RABGEF1: variants seen among roughly 807,000 people sequenced by gnomAD.
The protein encoded by RABGEF1 is RAB guanine nucleotide exchange factor 1.
Under a neutral mutation model 57.3 loss-of-function variants are expected in RABGEF1, and 26 were observed. That is an observed-to-expected ratio of 0.45 (90% CI 0.33 to 0.63). RABGEF1 has a LOEUF of 0.63. RABGEF1 is among the 20% of genes least tolerant of loss of function. The pLI, the probability that RABGEF1 is intolerant of heterozygous loss-of-function variation, is 0.02. For missense variants in RABGEF1, 464 were observed against 607.6 expected, an observed-to-expected ratio of 0.76 and a Z score of 2.48; for synonymous variants, 185 against 210.7, an observed-to-expected ratio of 0.88 and a Z score of 1.06.
chr7:66,778,578 G>T (rs1328151566), intron 3 of RABGEF1, among the ~76,000 whole-genome samples: 1 of 152,146 alleles, frequency 6.6e-6, no homozygotes, highest in East Asian at 1.9e-4. Context: ...TCTGAAGACG[G>T]TGATTCTCTA....
chr7:66,746,637 T>A (rs1316887816), intron 1 of RABGEF1, among the ~76,000 whole-genome samples: 2 of 147,488 alleles, frequency 1.4e-5, no homozygotes, highest in Non-Finnish European at 3.0e-5. Context: ...TTTTTTTTTT[T>A]TTTGAGAACA....
chr7:66,696,416 G>A (rs771098706), intron 1 of RABGEF1, among the ~76,000 whole-genome samples: 2 of 152,054 alleles, frequency 1.3e-5, no homozygotes, highest in Admixed American at 6.6e-5. Context: ...GGGGCTGGGC[G>A]TGGTGGCTCA....
chr7:66,695,260 T>A (rs1792145751), intron 1 of RABGEF1, among the ~76,000 whole-genome samples: 2 of 151,442 alleles, frequency 1.3e-5, no homozygotes, highest in Non-Finnish European at 2.9e-5. Flanking sequence ...TACAGTGAGC[T>A]GAAATTGTGC....
chr7:66,662,753 G>A, the RABGEF1 span, among the ~76,000 whole-genome samples: 1 of 152,100 alleles, frequency 6.6e-6, no homozygotes, highest in Non-Finnish European at 1.5e-5. Context: ...AGGCACGTGT[G>A]TGCAGGTGTG....
chr7:66,706,600 G>A (rs151204153), intron 1 of RABGEF1, among the ~76,000 whole-genome samples: 2,423 of 150,842 alleles, frequency 0.016, 56 homozygotes, highest in East Asian at 0.091. Flanking sequence ...TAGTAGAGAC[G>A]GGATTTCACC....
In RABGEF1 at chr7:66,799,388, C is replaced by T. The variant is rs1786773739; in HGVS notation, c.794C>T (p.Ser265Phe). The T allele has an allele frequency of 6.2e-7, 1 of 1,611,674 alleles. No homozygotes were observed. Among genetic ancestry groups the T allele is most frequent in the Non-Finnish European group, 8.5e-7 (1 of 1,177,784 alleles). ...VPVNEDIPEV[S>F]DMVVKAITDI... is the part of the protein sequence containing the mutation. ...GTTAATGAAGACATCCCAGAAGTGTCTGATATGGTGGTGAAGGCGATCACA... is the reference window on the plus strand; with the variant it reads ...GTTAATGAAGACATCCCAGAAGTGTTTGATATGGTGGTGAAGGCGATCACA... The change falls in exon 7 of 9, where the codon TCT becomes TTT. Residue 265 changes from serine (S) to phenylalanine (F), a missense_variant. Transcript: ENST00000284957.
intron 2 of RABGEF1, among the ~76,000 whole-genome samples, chr7:66,718,557 T>C (rs1795657593): frequency 7.4e-6 from 1 of 135,912 alleles, no homozygotes; most frequent in Non-Finnish European, 1.7e-5. Flanking sequence ...ATGGAGAAGT[T>C]TAATTTATAA....
At chr7:66,739,907 G>A (rs1243575591), upstream of RABGEF1, 3 of 152,200 alleles carry the variant, frequency 2.0e-5, no homozygotes, top group Admixed American at 6.5e-5. Flanking sequence ...AGGTAAACAG[G>A]ATTCAATTTG....
At chr7:66,808,324 TCCTG>T (rs1466798670) in intron 8 of RABGEF1, among the ~76,000 whole-genome samples, 3 of 151,912 alleles carry the variant, frequency 2.0e-5, no homozygotes, top group Non-Finnish European at 4.4e-5. Flanking sequence ...CAAGCAATTC[TCCTG>T]CCTCAGTCTC....
At chr7:66,740,387 C>G (rs1798623950), upstream of RABGEF1, 1 of 152,308 alleles carries the variant, frequency 6.6e-6, no homozygotes, top group Admixed American at 6.5e-5. Context: ...GCTACCACCG[C>G]GGCCGCAGCC....
At chr7:66,756,076 A>G (rs917675952) in intron 1 of RABGEF1, 47 of 1,489,238 alleles carry the variant, frequency 3.2e-5, no homozygotes, top group Non-Finnish European at 4.1e-5. Context: ...CATACCATGA[A>G]GGTGAGTACT....
At chr7:66,734,929 G>T (rs1004701054) in intron 2 of RABGEF1, among the ~76,000 whole-genome samples, 4 of 152,082 alleles carry the variant, frequency 2.6e-5, no homozygotes, top group African/African-American at 9.7e-5. Flanking sequence ...GGCCAAACAG[G>T]TTTGTCTTTT....
At chr7:66,662,564 G>A in the RABGEF1 span, among the ~76,000 whole-genome samples, 1 of 152,200 alleles carries the variant, frequency 6.6e-6, no homozygotes, top group Non-Finnish European at 1.5e-5. Context: ...GTAGAGACAG[G>A]CAGGGAGGCT....
intron 1 of RABGEF1, among the ~76,000 whole-genome samples, chr7:66,760,904 T>C (rs1175922935): frequency 6.6e-6 from 1 of 152,204 alleles, no homozygotes; most frequent in African/African-American, 2.4e-5. Flanking sequence ...GCTGGGATTG[T>C]AGGCGTGAAC....
chr7:66,723,135 G>C (rs575630070), intron 2 of RABGEF1, among the ~76,000 whole-genome samples: 1 of 151,860 alleles, frequency 6.6e-6, no homozygotes, highest in Non-Finnish European at 1.5e-5. Context: ...CGCCCGGCTA[G>C]TTTTTGTATT....
intron 1 of RABGEF1, among the ~76,000 whole-genome samples, chr7:66,745,618 A>C (rs1274016463): frequency 6.6e-6 from 1 of 151,940 alleles, no homozygotes; most frequent in African/African-American, 2.4e-5. Flanking sequence ...AATGCAAAAA[A>C]CTTAGCCAGG....
intron 1 of RABGEF1, among the ~76,000 whole-genome samples, chr7:66,688,845 C>T (rs1791098465): frequency 6.6e-6 from 1 of 152,192 alleles, no homozygotes; most frequent in Non-Finnish European, 1.5e-5. Context: ...AACATCCCAG[C>T]ATTTTGGGAG....
At chr7:66,702,012 C>T (rs776374227) in intron 1 of RABGEF1, among the ~76,000 whole-genome samples, 3 of 152,120 alleles carry the variant, frequency 2.0e-5, no homozygotes, top group Non-Finnish European at 4.4e-5. Flanking sequence ...CTACCATCAA[C>T]TCAAAAAGGG....
At chr7:66,692,516 G>A (rs1244112390) in intron 1 of RABGEF1, among the ~76,000 whole-genome samples, 1 of 152,210 alleles carries the variant, frequency 6.6e-6, no homozygotes, top group African/African-American at 2.4e-5. Context: ...TGAAGGAGCT[G>A]AGGGACTGTG....
Sources: allele counts gnomAD v4.1 joint callset (sites outside exome capture counted in the v4.1 genomes callset), GRCh38; gene constraint gnomAD v4.1.1; transcripts MANE v1.5; gene names NCBI Gene and HGNC (gene_info 2026-07-23, HGNC 2026-07-21).